The following ENTREP2 variants were observed in gnomAD, a reference collection of about 807,000 sequenced individuals.
The protein encoded by ENTREP2 is endosomal transmembrane epsin interactor 2, also known as protein ENTREP2.
the ENTREP2 span, among the ~76,000 whole-genome samples, chr15:29,145,279 A>G: frequency 6.6e-6 from 1 of 152,118 alleles, no homozygotes; most frequent in South Asian, 2.1e-4. Context: ...TGGTCATCTC[A>G]ATAGATGCAG....
chr15:29,260,142 T>C, the ENTREP2 span, among the ~76,000 whole-genome samples: 3 of 152,190 alleles, frequency 2.0e-5, no homozygotes, highest in Non-Finnish European at 4.4e-5. Flanking sequence ...CTCTGGTGAA[T>C]ACTCTCAAAC....
chr15:29,422,615 T>C, the ENTREP2 span, among the ~76,000 whole-genome samples: 1 of 152,236 alleles, frequency 6.6e-6, no homozygotes, highest in South Asian at 2.1e-4. Context: ...CGGAAGTTGC[T>C]GGCTCTCTGC....
the ENTREP2 span, among the ~76,000 whole-genome samples, chr15:29,270,037 C>G: frequency 6.6e-6 from 1 of 152,008 alleles, no homozygotes; most frequent in Non-Finnish European, 1.5e-5. Flanking sequence ...TCAGACCACA[C>G]AGGCTCAGGC....
At chr15:29,583,455 A>G in the ENTREP2 span, among the ~76,000 whole-genome samples, 8 of 152,142 alleles carry the variant, frequency 5.3e-5, no homozygotes, top group Non-Finnish European at 1.2e-4. Context: ...ACATGGACAC[A>G]GGGAGGGCAC....
chr15:29,159,652 C>T, the ENTREP2 span, among the ~76,000 whole-genome samples: 2 of 152,014 alleles, frequency 1.3e-5, no homozygotes, highest in African/African-American at 4.8e-5. Context: ...TAGCTAGATA[C>T]AGTGTCCACA....
At chr15:29,393,170 A>G in the ENTREP2 span, among the ~76,000 whole-genome samples, 1 of 152,048 alleles carries the variant, frequency 6.6e-6, no homozygotes, top group Admixed American at 6.6e-5. Context: ...TCTCATTGTG[A>G]TTTGCTTTCT....
the ENTREP2 span, among the ~76,000 whole-genome samples, chr15:29,656,567 A>C: frequency 6.6e-6 from 1 of 152,182 alleles, no homozygotes; most frequent in Non-Finnish European, 1.5e-5. Flanking sequence ...AGCAGACAGA[A>C]ACTTGGGCCA....
the ENTREP2 span, among the ~76,000 whole-genome samples, chr15:29,151,372 G>A: frequency 2.0e-5 from 3 of 152,106 alleles, no homozygotes; most frequent in Non-Finnish European, 2.9e-5. Context: ...TAAACTTCCC[G>A]GATTAAAAGA....
chr15:29,292,184 C>A, the ENTREP2 span, among the ~76,000 whole-genome samples: 1 of 152,228 alleles, frequency 6.6e-6, no homozygotes, highest in Non-Finnish European at 1.5e-5. Context: ...CTTAACAAGG[C>A]ATTTCACCAG....
the ENTREP2 span, among the ~76,000 whole-genome samples, chr15:29,583,515 G>C: frequency 2.0e-5 from 3 of 152,164 alleles, no homozygotes; most frequent in Non-Finnish European, 4.4e-5. Flanking sequence ...GAGAGCATTA[G>C]AGAAAAGAGC....
chr15:29,513,792 C>G, the ENTREP2 span, among the ~76,000 whole-genome samples: 1 of 152,338 alleles, frequency 6.6e-6, no homozygotes, highest in East Asian at 1.9e-4. Context: ...ACCTCCGAGT[C>G]CATGTCCACA....
chr15:29,363,785 T>C, the ENTREP2 span, among the ~76,000 whole-genome samples: 1 of 152,204 alleles, frequency 6.6e-6, no homozygotes, highest in African/African-American at 2.4e-5. Flanking sequence ...ATGACAAGAA[T>C]CGAGCATTTA....
the ENTREP2 span, among the ~76,000 whole-genome samples, chr15:29,159,680 C>T: frequency 3.1e-5 from 4 of 130,822 alleles, no homozygotes; most frequent in East Asian, 7.8e-4. Flanking sequence ...TCTCCAAGTC[C>T]CCACCAGAGT....
At chr15:29,505,560 G>A in the ENTREP2 span, among the ~76,000 whole-genome samples, 2 of 152,216 alleles carry the variant, frequency 1.3e-5, no homozygotes, top group South Asian at 4.1e-4. The surrounding 1 kb of genome is among the most constrained non-coding windows in gnomAD (Gnocchi z 4.3). Context: ...AGAGGAAGGA[G>A]CAGGCAGCAA....
At chr15:29,630,065 G>A in the ENTREP2 span, among the ~76,000 whole-genome samples, 3 of 152,124 alleles carry the variant, frequency 2.0e-5, no homozygotes, top group Admixed American at 6.6e-5. Flanking sequence ...GCAGTGAGCC[G>A]AGAGCATGCC....
At chr15:29,539,587 C>T in the ENTREP2 span, among the ~76,000 whole-genome samples, 2 of 152,142 alleles carry the variant, frequency 1.3e-5, no homozygotes, top group East Asian at 3.9e-4. Flanking sequence ...ACCAGTCCCA[C>T]ATGCCCTGCC....
At chr15:29,272,026 T>A in the ENTREP2 span, among the ~76,000 whole-genome samples, 1 of 152,196 alleles carries the variant, frequency 6.6e-6, no homozygotes, top group Non-Finnish European at 1.5e-5. Context: ...CCCCTGTCAC[T>A]GTGAAAATCA....
chr15:29,123,095 G>A, the ENTREP2 span: 1 of 490,368 alleles, frequency 2.0e-6, no homozygotes, highest in Non-Finnish European at 3.6e-6. Flanking sequence ...GGACGTGAAA[G>A]TCATCTTTCC....
chr15:29,464,227 C>G, the ENTREP2 span, among the ~76,000 whole-genome samples: 1 of 149,458 alleles, frequency 6.7e-6, no homozygotes, highest in Non-Finnish European at 1.5e-5. Context: ...CACCATGATA[C>G]TAAAAAAAAA....
Sources: allele counts gnomAD v4.1 joint callset (sites outside exome capture counted in the v4.1 genomes callset), GRCh38; gene constraint gnomAD v4.1.1; non-coding constraint Gnocchi (gnomAD v3.1); transcripts MANE v1.5; gene names NCBI Gene and HGNC (gene_info 2026-07-23, HGNC 2026-07-21).